The following PTPRK variants were observed in gnomAD, a reference collection of about 807,000 sequenced individuals.
The protein encoded by PTPRK is protein tyrosine phosphatase receptor type K.
A neutral mutation model predicts 178.0 loss-of-function variants in PTPRK; 75 were observed. The ratio of observed to expected loss-of-function variants is 0.42; its 90% CI spans 0.35 to 0.51. PTPRK has a LOEUF of 0.51. PTPRK is among the 20% of genes least tolerant of loss of function. The pLI is 0.02. For synonymous variants in PTPRK, 637 were observed against 620.6 expected (o/e 1.03, Z -0.39); for missense variants, 1,441 against 1,797.8 (o/e 0.80, Z 3.59).
chr6:128,303,316 C>T (rs538344775), intron 3 of PTPRK, among the ~76,000 whole-genome samples: 4 of 152,296 alleles, frequency 2.6e-5, no homozygotes, highest in African/African-American at 9.6e-5. Flanking sequence ...AACTCTACCC[C>T]CTAGATTCAC....
intron 1 of PTPRK, chr6:128,491,919 CTTCCCCTGGGAATTGA>C: frequency 2.2e-6 from 1 of 453,198 alleles, no homozygotes; most frequent in Non-Finnish European, 4.4e-6. Context: ...GGCAATGAAA[CTTCCCCTGGGAATTGA>C]TTCACTACTG....
At chr6:127,982,526 G>A (rs1294000167) in intron 24 of PTPRK, among the ~76,000 whole-genome samples, 3 of 151,996 alleles carry the variant, frequency 2.0e-5, no homozygotes, top group Admixed American at 6.6e-5. Context: ...CACCCGCCTC[G>A]GCCTCCCAAA....
intron 1 of PTPRK, among the ~76,000 whole-genome samples, chr6:128,467,005 G>A (rs1055951769): frequency 7.9e-5 from 12 of 152,096 alleles, no homozygotes; most frequent in African/African-American, 2.7e-4. Context: ...ACAGTGAACT[G>A]CATTTTGTTG....
intron 13 of PTPRK, among the ~76,000 whole-genome samples, chr6:128,054,631 G>A (rs1779596766): frequency 6.6e-6 from 1 of 151,918 alleles, no homozygotes; most frequent in South Asian, 2.1e-4. Context: ...TGGGACACAA[G>A]CATTGCTCAC....
At chr6:128,011,458 AT>A (rs1779043470) in intron 13 of PTPRK, among the ~76,000 whole-genome samples, 1 of 151,080 alleles carries the variant, frequency 6.6e-6, no homozygotes, top group African/African-American at 2.4e-5. Context: ...TTATGGTATA[AT>A]TTTCTAAATA....
At chr6:128,489,133 C>T (rs947235973) in intron 1 of PTPRK, among the ~76,000 whole-genome samples, 2 of 152,054 alleles carry the variant, frequency 1.3e-5, no homozygotes, top group Admixed American at 1.3e-4. Flanking sequence ...AAATCATAAA[C>T]TTGAGTTCTG....
chr6:128,071,494 C>T (rs1329050669), intron 11 of PTPRK, among the ~76,000 whole-genome samples: 1 of 152,032 alleles, frequency 6.6e-6, no homozygotes, highest in African/African-American at 2.4e-5. Flanking sequence ...GTACTGCTGT[C>T]TTTCTGTTCT....
rs1841010419 is a variant in PTPRK, at chr6:128,401,480, T to C, written c.101-3792A>G. Among the ~76,000 whole-genome samples the C allele has an allele frequency of 2.0e-5, 3 of 152,150 alleles. No individual in the cohort carries two copies. In the South Asian group the frequency reaches 6.2e-4, roughly 31 times the overall value. ...ATCAGGAAAAAATGAATACTAAATT[T>C]AAGTCCTTTCTGAAGTCAAACTTTT... On this transcript the variant is annotated intron_variant, in intron 1 of 29. Transcript: ENST00000368226.
chr6:128,168,433 C>G (rs1299917662), intron 7 of PTPRK, among the ~76,000 whole-genome samples: 1 of 152,060 alleles, frequency 6.6e-6, no homozygotes, highest in East Asian at 1.9e-4. Context: ...TATCTGTACT[C>G]CCATGTTCAC....
intron 1 of PTPRK, among the ~76,000 whole-genome samples, chr6:128,419,980 T>G (rs2128386082): frequency 6.6e-6 from 1 of 152,342 alleles, no homozygotes; most frequent in Admixed American, 6.5e-5. Context: ...AAATCCTTCA[T>G]AATAGCTGTC....
At chr6:128,066,812 A>G (rs1398007563) in intron 12 of PTPRK, among the ~76,000 whole-genome samples, 2 of 152,168 alleles carry the variant, frequency 1.3e-5, no homozygotes, top group East Asian at 3.8e-4. Flanking sequence ...TTTCCCACAT[A>G]CGGAACTGCC....
At chr6:128,274,038 C>T (rs73596659) in intron 3 of PTPRK, among the ~76,000 whole-genome samples, 6,781 of 152,100 alleles carry the variant, frequency 0.045, 502 homozygotes, top group African/African-American at 0.15. Context: ...ATCTACTAGA[C>T]TAACAGCCCT....
intron 2 of PTPRK, among the ~76,000 whole-genome samples, chr6:128,334,199 T>C (rs185248782): frequency 1.3e-5 from 2 of 152,300 alleles, no homozygotes; most frequent in Admixed American, 6.5e-5. Context: ...TATGAAATAT[T>C]GTGAGAATTA....
At chr6:128,026,983 T>C (rs1261131314) in intron 13 of PTPRK, among the ~76,000 whole-genome samples, 1 of 152,146 alleles carries the variant, frequency 6.6e-6, no homozygotes, top group East Asian at 1.9e-4. Context: ...CAGTGCTATA[T>C]ATGAAAAAGA....
intron 1 of PTPRK, among the ~76,000 whole-genome samples, chr6:128,453,586 A>G (rs943075816): frequency 6.6e-6 from 1 of 152,216 alleles, no homozygotes; most frequent in African/African-American, 2.4e-5. Context: ...ATGAACAAAT[A>G]TAAGGAAGCA....
At chr6:128,273,365 AG>A (rs1394717826) in intron 3 of PTPRK, among the ~76,000 whole-genome samples, 2 of 152,182 alleles carry the variant, frequency 1.3e-5, no homozygotes, top group Non-Finnish European at 2.9e-5. Context: ...TAATAAAAAA[AG>A]AAAAAAAAAG....
intron 7 of PTPRK, among the ~76,000 whole-genome samples, chr6:128,121,488 C>T (rs940935412): frequency 1.3e-5 from 2 of 151,920 alleles, no homozygotes; most frequent in African/African-American, 4.8e-5. Context: ...ATGATTGAAA[C>T]ATTATAAACA....
At chr6:128,398,241 G>A (rs889030958) in intron 1 of PTPRK, among the ~76,000 whole-genome samples, 4 of 152,194 alleles carry the variant, frequency 2.6e-5, no homozygotes, top group South Asian at 2.1e-4. Context: ...TGTAAATGAA[G>A]TGGTGGCCCG....
chr6:128,332,595 T>C (rs1830421861), intron 2 of PTPRK, among the ~76,000 whole-genome samples: 1 of 152,218 alleles, frequency 6.6e-6, no homozygotes, highest in Non-Finnish European at 1.5e-5. Flanking sequence ...AACTAGAAAA[T>C]GTATGAAGAG....
Sources: allele counts gnomAD v4.1 joint callset (sites outside exome capture counted in the v4.1 genomes callset), GRCh38; gene constraint gnomAD v4.1.1; transcripts MANE v1.5; gene names NCBI Gene and HGNC (gene_info 2026-07-23, HGNC 2026-07-21).